The following ILDR1 variants were observed in gnomAD, a reference collection of about 807,000 sequenced individuals.
ILDR1 encodes the protein immunoglobulin like domain containing receptor 1, also known as immunoglobulin-like domain-containing receptor 1.
A neutral mutation model predicts 62.4 loss-of-function variants in ILDR1; 56 were observed. The observed-to-expected ratio is 0.90, with a 90% CI of 0.72 to 1.12. ILDR1 has a LOEUF of 1.12. Ranked by LOEUF, ILDR1 falls within the 50% of genes most tolerant of loss-of-function variation. The probability of loss-of-function intolerance (pLI) is 0.00; values close to 1 mark genes in which losing one functional copy is unlikely to be tolerated. For missense variants in ILDR1, 736 were observed against 710.6 expected, an observed-to-expected ratio of 1.04 and a Z score of -0.41; for synonymous variants, 284 against 277.8, an observed-to-expected ratio of 1.02 and a Z score of -0.22.
At chr3:122,032,425 C>T in the ILDR1 span, among the ~76,000 whole-genome samples, 1 of 152,188 alleles carries the variant, frequency 6.6e-6, no homozygotes, top group Admixed American at 6.5e-5. Flanking sequence ...ATGCTATAAA[C>T]ATTCTTTGAC....
intron 2 of ILDR1, among the ~76,000 whole-genome samples, chr3:122,005,990 CT>C (rs2071604377): frequency 6.6e-6 from 1 of 152,166 alleles, no homozygotes; most frequent in Admixed American, 6.5e-5. Context: ...AAATCTGCCC[CT>C]GGCAAATGCC....
chr3:122,060,422 C>T, the ILDR1 span, among the ~76,000 whole-genome samples: 1 of 152,112 alleles, frequency 6.6e-6, no homozygotes, highest in African/African-American at 2.4e-5. Context: ...AAACTCACCT[C>T]TGCTGTCGGT....
the ILDR1 span, among the ~76,000 whole-genome samples, chr3:122,050,602 T>TA: frequency 6.9e-6 from 1 of 145,034 alleles, no homozygotes; most frequent in Non-Finnish European, 1.5e-5. Context: ...GTACAGCCAT[T>TA]AATATATTTT....
chr3:122,018,619 G>T (rs2071812539), intron 1 of ILDR1, among the ~76,000 whole-genome samples: 1 of 152,190 alleles, frequency 6.6e-6, no homozygotes, highest in Non-Finnish European at 1.5e-5. Context: ...AGACACCAGG[G>T]TTCTGGTCCC....
In ILDR1 at chr3:122,022,122, C is replaced by T. The variant is rs751760808; in HGVS notation, c.-45G>A. 6.6e-7 allele frequency: 1 copy of T among 1,523,776 alleles called. No individual in the cohort carries two copies. The allele number at this position is 1,523,776 out of a possible 1,614,324, so 94.4% of individuals were successfully genotyped here. A position where few individuals can be genotyped will look rare whatever the true frequency, so the allele number is the denominator to read the frequency against. ...TTTTCAGCTCAGGGGCTTCGGGGCA[C>T]TGCGTCTTTCTTCCTCAGCTGCCGC... On this transcript the variant is annotated 5_prime_UTR_variant, in exon 1 of 8. In the 5' UTR this introduces an upstream ATG that the reference lacks. Transcript: ENST00000344209.
intron 7 of ILDR1, among the ~76,000 whole-genome samples, chr3:121,992,122 A>T (rs1986368): frequency 0.23 from 34,979 of 152,090 alleles, 4,629 homozygotes; most frequent in Admixed American, 0.38. Context: ...GACTGCTGTC[A>T]TTTGGATGTA....
chr3:122,002,176 C>T (rs2071538828), intron 3 of ILDR1, among the ~76,000 whole-genome samples: 1 of 152,126 alleles, frequency 6.6e-6, no homozygotes, highest in Non-Finnish European at 1.5e-5. Context: ...TTTAAGTTGC[C>T]AGTATATGGG....
chr3:122,028,669 A>T, the ILDR1 span, among the ~76,000 whole-genome samples: 11 of 152,258 alleles, frequency 7.2e-5, no homozygotes, highest in Non-Finnish European at 2.9e-5. Flanking sequence ...ACTATTAAAC[A>T]TTAGAAGACA....
chr3:122,022,455 A>C (rs1365282572), upstream of ILDR1, among the ~76,000 whole-genome samples: 3 of 152,210 alleles, frequency 2.0e-5, no homozygotes, highest in Non-Finnish European at 4.4e-5. Flanking sequence ...CATCCCCTGC[A>C]AATGTATCCC....
At chr3:121,991,995 G>A (rs2071355297) in intron 7 of ILDR1, among the ~76,000 whole-genome samples, 1 of 152,202 alleles carries the variant, frequency 6.6e-6, no homozygotes, top group Non-Finnish European at 1.5e-5. Context: ...AAAGAGAAAA[G>A]GATTTTGGTC....
chr3:122,037,495 T>C, the ILDR1 span, among the ~76,000 whole-genome samples: 7 of 152,218 alleles, frequency 4.6e-5, no homozygotes, highest in Non-Finnish European at 8.8e-5. Flanking sequence ...GCCTGTAGCC[T>C]CTTTGTTTCG....
the ILDR1 span, among the ~76,000 whole-genome samples, chr3:122,045,455 T>C: frequency 6.6e-6 from 1 of 152,162 alleles, no homozygotes; most frequent in Non-Finnish European, 1.5e-5. Context: ...AGAGCTGAGT[T>C]CAATTCCTGG....
At position 121,993,150 on chromosome 3, in the gene ILDR1, C is replaced by T. The variant is rs764244695; in HGVS notation, c.1599G>A (p.Ser533=). Residue 533 remains serine, a splice_region_variant and synonymous_variant, in exon 7 of 8, where the codon TCG becomes TCA. Transcript: ENST00000344209. ...SRKKGSVERR[S]EKDSSHSGRS... is the part of the protein sequence containing the mutation. ...CCTCAGCAGGATGCCCCAGGCTCAC[C>T]GAGCGCCTCTCCACACTCCCTTTTT... 1.3e-5 allele frequency: 21 copies of T among 1,581,480 alleles called. No homozygotes were observed. The highest frequency in any genetic ancestry group is 1.2e-4 in the African/African-American group (9 of 74,176).
chr3:122,025,069 T>C (rs553292024), upstream of ILDR1: 2 of 152,366 alleles, frequency 1.3e-5, no homozygotes, highest in African/African-American at 4.8e-5. Flanking sequence ...AGCAGTTCTT[T>C]CATTGCTAGA....
At chr3:122,001,066 A>G (rs1174652708) in intron 5 of ILDR1, among the ~76,000 whole-genome samples, 1 of 152,248 alleles carries the variant, frequency 6.6e-6, no homozygotes, top group Non-Finnish European at 1.5e-5. Context: ...ATCAGTAGGC[A>G]GAGCTATCTG....
At chr3:122,006,966 G>A in intron 2 of ILDR1, 25 bp downstream of exon 2, 3 of 1,605,532 alleles carry the variant, frequency 1.9e-6, no homozygotes, top group Non-Finnish European at 2.5e-6. Context: ...GACCCACAGA[G>A]GGCCAAGGGG....
At chr3:121,995,057 A>C (rs1192717753) in intron 5 of ILDR1, among the ~76,000 whole-genome samples, 2 of 152,242 alleles carry the variant, frequency 1.3e-5, no homozygotes, top group African/African-American at 4.8e-5. Flanking sequence ...ATATAAAAAA[A>C]GTAGTGCAAG....
At chr3:122,033,671 G>A in the ILDR1 span, among the ~76,000 whole-genome samples, 1 of 152,226 alleles carries the variant, frequency 6.6e-6, no homozygotes, top group East Asian at 1.9e-4. Flanking sequence ...TGAGCTGTGA[G>A]ATAGGGGTTA....
chr3:121,995,126 C>G (rs1030120397), intron 5 of ILDR1, among the ~76,000 whole-genome samples: 1 of 152,176 alleles, frequency 6.6e-6, no homozygotes, highest in African/African-American at 2.4e-5. Flanking sequence ...GCATACAACC[C>G]GCAGTGAGTA....
Sources: gnomAD v4.1 joint callset for allele counts (sites outside exome capture counted in the v4.1 genomes callset) on GRCh38, gnomAD v4.1.1 for gene constraint, MANE v1.5 for transcripts, NCBI Gene and HGNC (gene_info 2026-07-23, HGNC 2026-07-21) for gene names.